The following RALGAPA1 variants were observed in gnomAD, a reference collection of about 807,000 sequenced individuals.
RALGAPA1 encodes ral GTPase-activating protein subunit alpha-1.
In RALGAPA1, 52 loss-of-function variants were observed where a neutral mutation model predicts 269.6. The observed-to-expected ratio is 0.19, with a 90% confidence interval of 0.15 to 0.24. RALGAPA1 has a LOEUF of 0.24. Ranked by LOEUF, RALGAPA1 falls within the 10% of genes least tolerant of loss-of-function variation. RALGAPA1 has a pLI of 1.00. For synonymous variants in RALGAPA1, 817 were observed against 1,008.3 expected, an observed-to-expected ratio of 0.81 and a Z score of 3.60; for missense variants, 1,917 against 3,013.9, an observed-to-expected ratio of 0.64 and a Z score of 8.52.
chr14:35,767,708 A>G (rs1375309492), intron 4 of RALGAPA1, among the ~76,000 whole-genome samples: 1 of 152,102 alleles, frequency 6.6e-6, no homozygotes, highest in Non-Finnish European at 1.5e-5. Context: ...ACAAATAAAC[A>G]AAAACCTAGA....
chr14:35,767,502 A>G (rs1223087904), intron 4 of RALGAPA1, among the ~76,000 whole-genome samples: 2 of 152,158 alleles, frequency 1.3e-5, no homozygotes, highest in African/African-American at 2.4e-5. Context: ...CCTGGCCAAC[A>G]TGGTGAAACC....
chr14:35,567,400 T>C (rs1416192352), intron 39 of RALGAPA1, among the ~76,000 whole-genome samples: 1 of 152,116 alleles, frequency 6.6e-6, no homozygotes, highest in Non-Finnish European at 1.5e-5. Context: ...CACAAAATAA[T>C]GTAACTTATT....
At chr14:35,795,543 C>T (rs1230163862) in intron 1 of RALGAPA1, among the ~76,000 whole-genome samples, 5 of 151,882 alleles carry the variant, frequency 3.3e-5, no homozygotes, top group African/African-American at 1.2e-4. Context: ...GGCCTTGGGT[C>T]GAATACTCAG....
At chr14:35,686,301 G>A (rs1205603155) in intron 19 of RALGAPA1, among the ~76,000 whole-genome samples, 2 of 151,892 alleles carry the variant, frequency 1.3e-5, no homozygotes, top group South Asian at 2.1e-4. Context: ...GTGTATTTGT[G>A]CACAGGTACC....
intron 39 of RALGAPA1, 75 bp from the exon 40 acceptor site, chr14:35,549,309 A>G (rs929645874): frequency 8.2e-6 from 12 of 1,455,144 alleles, no homozygotes; most frequent in Non-Finnish European, 1.1e-5. Flanking sequence ...AAGGACTGCT[A>G]TGATTGCTAA....
Position 35,750,696 on chromosome 14 carries a change from C to A in RALGAPA1, c.803-6G>T. On this transcript the variant is annotated splice_polypyrimidine_tract_variant and splice_region_variant and intron_variant, in intron 8 of 41. Coordinates refer to ENST00000680220, the MANE Select transcript of RALGAPA1 (RefSeq NM_001346249.2). ...TGGTCTCATCTGCGGGATGTCTGTG[C>A]AAAATAAAAGGAAGATGAAAACCAA... is the stretch of plus-strand genomic sequence containing the variant. The A allele has an allele frequency of 1.9e-6, 3 of 1,558,738 alleles. No homozygotes were observed. Among genetic ancestry groups the A allele is most frequent in the Non-Finnish European group, 2.6e-6 (3 of 1,153,424 alleles).
At chr14:35,572,770 G>A (rs1191872145) in intron 37 of RALGAPA1, 52 bp from the exon 38 acceptor site, 1 of 1,308,440 alleles carries the variant, frequency 7.6e-7, no homozygotes, top group Non-Finnish European at 1.0e-6. Flanking sequence ...TTTGAGTACA[G>A]TCATACAGTC....
chr14:35,713,013 T>A (rs1277475878), intron 16 of RALGAPA1, among the ~76,000 whole-genome samples: 1 of 152,172 alleles, frequency 6.6e-6, no homozygotes, highest in African/African-American at 2.4e-5. Flanking sequence ...CAGGGCCTTA[T>A]AAAAATCATG....
At chr14:35,692,407 T>G (rs1209911834) in intron 17 of RALGAPA1, among the ~76,000 whole-genome samples, 1 of 151,934 alleles carries the variant, frequency 6.6e-6, no homozygotes, top group Non-Finnish European at 1.5e-5. Context: ...GAAAGATTAT[T>G]ATGATGTTCT....
Position 35,689,617 on chromosome 14 carries a change from C to T in RALGAPA1, c.2794G>A (p.Asp932Asn), listed in dbSNP as rs947706978. 8.0e-7 allele frequency: 1 copy of T among 1,251,382 alleles called. No individual in the cohort carries two copies. Among genetic ancestry groups the T allele is most frequent in the African/African-American group, 1.5e-5 (1 of 64,584 alleles). The allele number at this position is 1,251,382 out of a possible 1,614,324, so 77.5% of individuals were successfully genotyped here. A position where few individuals can be genotyped will look rare whatever the true frequency, so the allele number is the denominator to read the frequency against. Residue 932 changes from aspartate (D) to asparagine (N), a missense_variant, in exon 18 of 42, where the codon GAC becomes AAC. This residue lies in a region of RALGAPA1 where 615 missense variants were observed against 790.0 expected (regional missense o/e 0.78). Transcript: ENST00000680220. Reference protein sequence around the residue: ...DSAFEQIQYIDLEGDDDLLST... With the variant: ...DSAFEQIQYINLEGDDDLLST... ...AGAAGATCATCATCTCCTTCAAGGT[C>T]AATGTACTGGATTTGTTCAAAAGCT...
At chr14:35,720,047 C>T (rs967727091) in intron 16 of RALGAPA1, among the ~76,000 whole-genome samples, 4 of 152,262 alleles carry the variant, frequency 2.6e-5, no homozygotes, top group East Asian at 1.9e-4. Flanking sequence ...CCACCGCGCC[C>T]GGCCAACAAT....
chr14:35,758,266 A>AAC (rs2073376623), intron 6 of RALGAPA1, among the ~76,000 whole-genome samples: 1 of 145,552 alleles, frequency 6.9e-6, no homozygotes, highest in African/African-American at 2.6e-5. Context: ...AAAAAAAAAA[A>AAC]CAAACCGAAA....
At chr14:35,651,695 C>T in intron 31 of RALGAPA1, 110 bp downstream of exon 31, 1 of 966,120 alleles carries the variant, frequency 1.0e-6, no homozygotes, top group Admixed American at 3.2e-5. Context: ...ATAGTAGATT[C>T]TGAACAAGGA....
At chr14:35,788,413 A>AT (rs1217026840) in intron 1 of RALGAPA1, among the ~76,000 whole-genome samples, 5 of 152,168 alleles carry the variant, frequency 3.3e-5, no homozygotes, top group African/African-American at 9.7e-5. Context: ...GTTCAAATTC[A>AT]TTTTTTCATT....
intron 39 of RALGAPA1, among the ~76,000 whole-genome samples, chr14:35,562,804 G>A (rs2056377917): frequency 6.6e-6 from 1 of 151,528 alleles, no homozygotes; most frequent in Admixed American, 6.6e-5. Flanking sequence ...GGCGGATCAC[G>A]AGTTCAGGAG....
intron 31 of RALGAPA1, 105 bp from the exon 32 acceptor site, chr14:35,635,703 T>A: frequency 6.0e-6 from 6 of 1,007,022 alleles, no homozygotes; most frequent in Non-Finnish European, 8.1e-6. Flanking sequence ...TCTGGAATCA[T>A]CAACCCTAAG....
At chr14:35,677,257 G>A (rs1461678783) in intron 22 of RALGAPA1, 1 of 152,212 alleles carries the variant, frequency 6.6e-6, no homozygotes, top group African/African-American at 2.4e-5. Context: ...GAGAATAAAT[G>A]TGCTACCTTA....
chr14:35,566,274 T>C (rs747182009), intron 39 of RALGAPA1, among the ~76,000 whole-genome samples: 16 of 152,190 alleles, frequency 1.1e-4, no homozygotes, highest in Non-Finnish European at 2.1e-4. Context: ...ACTGTAATTC[T>C]GGCTGCTGGT....
At chr14:35,698,346 A>G (rs755019945) in intron 17 of RALGAPA1, among the ~76,000 whole-genome samples, 5 of 152,216 alleles carry the variant, frequency 3.3e-5, no homozygotes, top group Non-Finnish European at 5.9e-5. Context: ...TGAAAGGAAC[A>G]ACCTTATCTT....
Sources: gnomAD v4.1 joint callset for allele counts (sites outside exome capture counted in the v4.1 genomes callset) on GRCh38, gnomAD v4.1.1 for gene constraint, gnomAD v4.1.1 regional missense constraint, MANE v1.5 for transcripts, NCBI Gene and HGNC (gene_info 2026-07-23, HGNC 2026-07-21) for gene names.